The following SPAM1 variants were observed in gnomAD, a reference collection of about 807,000 sequenced individuals.
The protein encoded by SPAM1 is hyaluronidase PH-20.
SPAM1 carries 22 observed loss-of-function variants against 29.6 expected under a neutral mutation model. The observed-to-expected ratio is 0.74, with a 90% CI of 0.53 to 1.06. The LOEUF is 1.06. Among genes scored for constraint, SPAM1 ranks in the 50% least tolerant of loss-of-function variants. The probability of loss-of-function intolerance (pLI) is 0.00; values close to 1 mark genes in which losing one functional copy is unlikely to be tolerated. For missense variants in SPAM1, 534 were observed against 604.0 expected (o/e 0.88, Z 1.21); for synonymous variants, 194 against 204.6 (o/e 0.95, Z 0.44).
exon 7 of SPAM1, chr7:123,971,358 CAAAA>C (rs1792496679): frequency 6.6e-6 from 1 of 151,970 alleles, no homozygotes; most frequent in South Asian, 2.1e-4. Flanking sequence ...TGGGGGAAGA[CAAAA>C]GAAATCCATA....
intron 1 of SPAM1, among the ~76,000 whole-genome samples, chr7:123,946,964 G>A (rs191759113): frequency 6.0e-4 from 91 of 152,230 alleles, no homozygotes; most frequent in Non-Finnish European, 1.2e-3. Context: ...AAAATGGGAA[G>A]CAGGTTTGCC....
At chr7:123,947,578 CCACA>C (rs3993662) in intron 1 of SPAM1, 23,401 of 147,562 alleles carry the variant, frequency 0.16, 1,995 homozygotes, top group African/African-American at 0.19. Context: ...GATTAAAACA[CCACA>C]CACACACACA....
At chr7:123,928,386 G>A (rs1203755653) in intron 1 of SPAM1, among the ~76,000 whole-genome samples, 1 of 152,050 alleles carries the variant, frequency 6.6e-6, no homozygotes, top group Non-Finnish European at 1.5e-5. Flanking sequence ...TTGGTCTGAA[G>A]GTAGGAAAAT....
chr7:123,965,743 C>T (rs1348620285), intron 5 of SPAM1, among the ~76,000 whole-genome samples: 1 of 152,018 alleles, frequency 6.6e-6, no homozygotes, highest in African/African-American at 2.4e-5. Context: ...GGTATTGCCT[C>T]CAGCTTCGCT....
intron 1 of SPAM1, among the ~76,000 whole-genome samples, chr7:123,933,669 A>C (rs1563021569): frequency 6.6e-6 from 1 of 152,172 alleles, no homozygotes; most frequent in Non-Finnish European, 1.5e-5. Context: ...TTTGCAAACT[A>C]TTCACCCAAC....
rs1807842785 is a variant in SPAM1, at chr7:123,925,289, A to T, written c.-382A>T. 2 of 152,172 alleles carry T rather than the reference A, an allele frequency of 1.3e-5. No individual in the cohort carries two copies. Among genetic ancestry groups the T allele is most frequent in the African/African-American group, 4.8e-5 (2 of 41,416 alleles). 9.4% of individuals were successfully genotyped at this position (152,172 alleles called of 1,614,324 possible). A position where few individuals can be genotyped will look rare whatever the true frequency, so the allele number is the denominator to read the frequency against. Reference sequence around the variant, plus strand: ...GCTCCACCTTGATGTGGCTCACATAAATTCAGAAAGTATGATAGCAGTGTA... The same window carrying T: ...GCTCCACCTTGATGTGGCTCACATATATTCAGAAAGTATGATAGCAGTGTA... On this transcript the variant is annotated 5_prime_UTR_variant, in exon 1 of 5. An upstream open reading frame in the 5' UTR loses its in-frame stop. Transcript: ENST00000682466.
At chr7:123,962,992 C>T (rs774385308), downstream of SPAM1, among the ~76,000 whole-genome samples, 81 of 151,842 alleles carry the variant, frequency 5.3e-4, no homozygotes, top group Non-Finnish European at 1.1e-3. Flanking sequence ...CACTATATGA[C>T]AATTTTAAAG....
intron 1 of SPAM1, among the ~76,000 whole-genome samples, chr7:123,941,479 C>T (rs931392380): frequency 4.6e-5 from 7 of 152,160 alleles, no homozygotes; most frequent in Non-Finnish European, 1.0e-4. Flanking sequence ...ATTGAATATA[C>T]AATTTAGTCT....
intron 1 of SPAM1, among the ~76,000 whole-genome samples, chr7:123,941,350 G>A (rs964746850): frequency 6.6e-6 from 1 of 152,214 alleles, no homozygotes; most frequent in African/African-American, 2.4e-5. Flanking sequence ...TAATCAATAT[G>A]TGTAAGATGT....
chr7:123,926,182 A>C (rs1046618345), intron 1 of SPAM1: 3 of 152,240 alleles, frequency 2.0e-5, no homozygotes, highest in African/African-American at 7.2e-5. Flanking sequence ...GTGCAGATTT[A>C]CTGAGCACTG....
chr7:123,928,627 A>G (rs1807970967), intron 1 of SPAM1, among the ~76,000 whole-genome samples: 1 of 152,202 alleles, frequency 6.6e-6, no homozygotes, highest in Admixed American at 6.5e-5. Context: ...AGCCAGAAGT[A>G]GAGAAAGTCA....
At chr7:123,968,236 CTTATAA>C (rs1319469457) in intron 5 of SPAM1, among the ~76,000 whole-genome samples, 6 of 152,018 alleles carry the variant, frequency 3.9e-5, no homozygotes, top group Non-Finnish European at 7.4e-5. Flanking sequence ...TATACACCCA[CTTATAA>C]TTATACGCAA....
intron 1 of SPAM1, among the ~76,000 whole-genome samples, chr7:123,934,245 C>T (rs944645371): frequency 6.6e-6 from 1 of 152,064 alleles, no homozygotes; most frequent in African/African-American, 2.4e-5. Context: ...AAAAAATGCT[C>T]AACATTGCTA....
downstream of SPAM1, among the ~76,000 whole-genome samples, chr7:123,963,453 G>T (rs1302562059): frequency 1.3e-5 from 2 of 151,576 alleles, no homozygotes; most frequent in Non-Finnish European, 3.0e-5. Context: ...GATACCAATA[G>T]ATTATAGTGT....
Position 123,953,716 on chromosome 7 carries a change from T to C in SPAM1, c.146T>C (p.Phe49Ser). The C allele has an allele frequency of 6.2e-7, 1 of 1,613,452 alleles. No homozygotes were observed. Among genetic ancestry groups the C allele is most frequent in the South Asian group, 1.1e-5 (1 of 91,056 alleles). ...RAPPVIPNVP[F>S]LWAWNAPSEF... ...CCTCCTGTTATTCCAAATGTGCCTT[T>C]CCTCTGGGCCTGGAATGCCCCAAGT... The change falls in exon 3 of 5, where the codon TTC (phenylalanine) becomes TCC (serine). Residue 49 changes from phenylalanine to serine, a missense_variant. Coordinates refer to ENST00000682466, the MANE Select transcript of SPAM1 (RefSeq NM_153189.3).
chr7:123,935,723 T>C (rs551435619), intron 1 of SPAM1, among the ~76,000 whole-genome samples: 1 of 152,304 alleles, frequency 6.6e-6, no homozygotes, highest in South Asian at 2.1e-4. Context: ...ATTCAAGTGA[T>C]TTAATCCATT....
intron 2 of SPAM1, among the ~76,000 whole-genome samples, chr7:123,950,222 T>C (rs1051948037): frequency 2.0e-5 from 3 of 152,106 alleles, no homozygotes; most frequent in Non-Finnish European, 4.4e-5. Flanking sequence ...TATGTATTTA[T>C]TTTTTATTTT....
At chr7:123,970,592 A>AAATAATAATAAT (rs150055865) in intron 6 of SPAM1, among the ~76,000 whole-genome samples, 8,703 of 146,198 alleles carry the variant, frequency 0.06, 333 homozygotes, top group South Asian at 0.11. Flanking sequence ...CCATCTCTAC[A>AAATAATAATAAT]AATAATAATA....
Position 123,955,008 on chromosome 7 carries a change from G to A in SPAM1, c.966G>A (p.Val322=). 3 of 1,610,324 alleles carry A rather than the reference G, an allele frequency of 1.9e-6. No individual in the cohort carries two copies. The highest frequency in any genetic ancestry group is 2.5e-6 in the Non-Finnish European group (3 of 1,177,142). Residue 322 remains valine (V), a synonymous_variant, in exon 4 of 5, where the codon GTG becomes GTA. Transcript: ENST00000682466. ...GTCACATTTTCCAGGATGAACTTGT[G>A]TATACATTTGGCGAAACTGTTGCTC... ...VLKFLSQDEL[V]YTFGETVALG... is the part of the protein sequence containing the mutation.
Sources: gnomAD v4.1 joint callset for allele counts (sites outside exome capture counted in the v4.1 genomes callset) on GRCh38, gnomAD v4.1.1 for gene constraint, MANE v1.5 for transcripts, NCBI Gene and HGNC (gene_info 2026-07-23, HGNC 2026-07-21) for gene names.